GRM5: variants seen among roughly 807,000 people sequenced by gnomAD.
GRM5 encodes the protein metabotropic glutamate receptor 5.
Under a neutral mutation model 83.1 loss-of-function variants are expected in GRM5, and 19 were observed. That is an observed-to-expected ratio of 0.23 (90% CI 0.16 to 0.34). GRM5 has a LOEUF of 0.34. GRM5 is among the 10% of genes least tolerant of loss of function. The probability of loss-of-function intolerance (pLI) is 1.00; values close to 1 mark genes in which losing one functional copy is unlikely to be tolerated. For missense variants in GRM5, 1,160 were observed against 1,588.3 expected (o/e 0.73, Z 4.58); for synonymous variants, 675 against 633.6 (o/e 1.07, Z -0.98).
At chr11:88,665,861 A>AAG (rs1412158256) in intron 3 of GRM5, among the ~76,000 whole-genome samples, 1 of 151,100 alleles carries the variant, frequency 6.6e-6, no homozygotes, top group Non-Finnish European at 1.5e-5. Flanking sequence ...CAGGAGAAAA[A>AAG]AAAAAATGGA....
intron 3 of GRM5, among the ~76,000 whole-genome samples, chr11:88,738,633 G>A (rs982207333): frequency 6.6e-6 from 1 of 152,026 alleles, no homozygotes; most frequent in African/African-American, 2.4e-5. Flanking sequence ...CACATAAAGT[G>A]GTCAATGGAT....
intron 3 of GRM5, among the ~76,000 whole-genome samples, chr11:88,661,186 CT>C (rs1474576458): frequency 6.6e-6 from 1 of 152,108 alleles, no homozygotes; most frequent in African/African-American, 2.4e-5. Flanking sequence ...ATCCTTAATG[CT>C]TGTTATAATG....
chr11:88,940,093 G>A (rs572473117), intron 2 of GRM5, among the ~76,000 whole-genome samples: 15 of 152,034 alleles, frequency 9.9e-5, no homozygotes, highest in Admixed American at 2.0e-4. Flanking sequence ...AGTTTTAAAC[G>A]TCAGGGTTCT....
chr11:88,574,037 C>T (rs1943056762), intron 7 of GRM5, among the ~76,000 whole-genome samples: 1 of 152,094 alleles, frequency 6.6e-6, no homozygotes, highest in African/African-American at 2.4e-5. Context: ...CTCTCTGTAG[C>T]ACTTACTGTA....
intron 4 of GRM5, among the ~76,000 whole-genome samples, chr11:88,640,391 T>C (rs1939255786): frequency 6.6e-6 from 1 of 152,198 alleles, no homozygotes; most frequent in Non-Finnish European, 1.5e-5. Context: ...CTCTACTTTT[T>C]CTATTCTCTC....
chr11:88,723,334 T>C (rs1941591800), intron 3 of GRM5, among the ~76,000 whole-genome samples: 1 of 152,186 alleles, frequency 6.6e-6, no homozygotes, highest in East Asian at 1.9e-4. Context: ...AATTCATGAA[T>C]ACATATTTAT....
chr11:88,916,085 C>T (rs1290425673), intron 2 of GRM5, among the ~76,000 whole-genome samples: 2 of 152,020 alleles, frequency 1.3e-5, no homozygotes, highest in African/African-American at 2.4e-5. Context: ...CTTAATTATT[C>T]ATTTGGTAGG....
chr11:88,773,538 C>T (rs1239107071), intron 3 of GRM5, among the ~76,000 whole-genome samples: 2 of 152,178 alleles, frequency 1.3e-5, no homozygotes, highest in Non-Finnish European at 2.9e-5. Flanking sequence ...TGCCTATGTC[C>T]TGAATGGTAA....
intron 3 of GRM5, among the ~76,000 whole-genome samples, chr11:88,754,192 C>A (rs1942348285): frequency 6.6e-6 from 1 of 152,068 alleles, no homozygotes; most frequent in Non-Finnish European, 1.5e-5. Flanking sequence ...AACAGAAAAC[C>A]AAACATCACC....
intron 2 of GRM5, among the ~76,000 whole-genome samples, chr11:88,923,816 G>C (rs1457304753): frequency 6.8e-6 from 1 of 148,142 alleles, no homozygotes; most frequent in Non-Finnish European, 1.5e-5. Context: ...TGTACCCCAT[G>C]AATATATATA....
At chr11:88,797,330 C>T (rs781624118) in intron 3 of GRM5, among the ~76,000 whole-genome samples, 20 of 152,054 alleles carry the variant, frequency 1.3e-4, no homozygotes, top group Non-Finnish European at 2.5e-4. Flanking sequence ...TTAGTAGAGA[C>T]GGAGTTTCAC....
intron 3 of GRM5, among the ~76,000 whole-genome samples, chr11:88,752,632 C>A (rs1010695593): frequency 6.6e-6 from 1 of 152,024 alleles, no homozygotes; most frequent in African/African-American, 2.4e-5. Context: ...AAAAAAGAGC[C>A]CAAATGGGCA....
chr11:88,778,201 T>A (rs1268232958), intron 3 of GRM5, among the ~76,000 whole-genome samples: 2 of 152,200 alleles, frequency 1.3e-5, no homozygotes, highest in South Asian at 4.1e-4. Context: ...CCTGGCAGAG[T>A]GATCTCAGAC....
intron 2 of GRM5, among the ~76,000 whole-genome samples, chr11:89,041,302 C>T (rs1941528290): frequency 6.6e-6 from 1 of 152,194 alleles, no homozygotes. Context: ...GCAGTGAAAT[C>T]CGCTGAAAAC....
At chr11:88,675,942 CG>C (rs1038243321) in intron 3 of GRM5, among the ~76,000 whole-genome samples, 1 of 151,942 alleles carries the variant, frequency 6.6e-6, no homozygotes, top group Non-Finnish European at 1.5e-5. Flanking sequence ...CATTCTCACA[CG>C]TAAGAGAATC....
In GRM5 at chr11:88,591,336, G is replaced by C. The variant is rs566339933; in HGVS notation, c.1564-609C>G. ...CATTCTTTCCTATTTTGGTAGCCTT[G>C]TTTTGTTTGAAGGTAGATGAGGTCA... On this transcript the variant is annotated intron_variant, in intron 6 of 9. Coordinates refer to ENST00000305447, the MANE Select transcript of GRM5 (RefSeq NM_001143831.3). 3.5e-4 allele frequency among the ~76,000 whole-genome samples: 53 copies of C among 152,240 alleles called. 1 individual carries two copies. The highest frequency in any genetic ancestry group is 1.3e-3 in the African/African-American group (52 of 41,554).
chr11:88,991,109 C>A (rs146410795), intron 2 of GRM5, among the ~76,000 whole-genome samples: 4,814 of 152,104 alleles, frequency 0.032, 248 homozygotes, highest in African/African-American at 0.11. Context: ...TGTATCTAGA[C>A]AACCCCATTG....
At chr11:88,558,799 CA>C (rs71265014) in intron 8 of GRM5, among the ~76,000 whole-genome samples, 2,359 of 21,844 alleles carry the variant, frequency 0.11, 11 homozygotes, top group African/African-American at 0.23. Flanking sequence ...GACTCCATCT[CA>C]AAAAAAAAAA....
intron 2 of GRM5, among the ~76,000 whole-genome samples, chr11:88,918,766 T>C (rs1387967496): frequency 7.1e-6 from 1 of 140,068 alleles, no homozygotes; most frequent in African/African-American, 2.6e-5. Flanking sequence ...AAGTTAAATG[T>C]AGAGTTTTTA....
Sources: allele counts gnomAD v4.1 joint callset (sites outside exome capture counted in the v4.1 genomes callset), GRCh38; gene constraint gnomAD v4.1.1; transcripts MANE v1.5; gene names NCBI Gene and HGNC (gene_info 2026-07-23, HGNC 2026-07-21).